The following IKZF2 variants were observed in gnomAD, a reference collection of about 807,000 sequenced individuals.
The protein encoded by IKZF2 is IKAROS family zinc finger 2.
In IKZF2, 15 loss-of-function variants were observed where a neutral mutation model predicts 49.2. The observed-to-expected ratio is 0.30, with a 90% CI of 0.20 to 0.47. The LOEUF (loss-of-function observed/expected upper bound fraction) is 0.47, where lower values mean the gene tolerates loss of function less well. Among genes scored for constraint, IKZF2 ranks in the 20% least tolerant of loss-of-function variants. IKZF2 has a pLI of 1.00. For missense variants in IKZF2, 567 were observed against 664.6 expected, an observed-to-expected ratio of 0.85 and a Z score of 1.61; for synonymous variants, 227 against 221.4, an observed-to-expected ratio of 1.03 and a Z score of -0.23.
chr2:213,033,120 C>A (rs1410554335), intron 6 of IKZF2, among the ~76,000 whole-genome samples: 1 of 152,216 alleles, frequency 6.6e-6, no homozygotes, highest in East Asian at 1.9e-4. Context: ...AAACCACTTT[C>A]TTTGCCCATT....
rs191781490 is a variant in IKZF2 at position 213,036,093 on chromosome 2, A to G, written c.574+13620T>C. Among the ~76,000 whole-genome samples, 36 of 152,294 alleles carry G rather than the reference A, an allele frequency of 2.4e-4. No individual in the cohort carries two copies. In the East Asian group the frequency reaches 4.4e-3, roughly 19 times the overall value. On this transcript the variant is annotated intron_variant, in intron 6 of 8. Transcript: ENST00000434687. Reference sequence around the variant, plus strand: ...TAGATTTATTTTGTTCTAAGCTGCTATATGTCTTCAAGCCTCATGATAGAT... The same window carrying G: ...TAGATTTATTTTGTTCTAAGCTGCTGTATGTCTTCAAGCCTCATGATAGAT...
Position 213,056,881 on chromosome 2 carries a change from C to A in IKZF2, c.358G>T (p.Val120Phe). The A allele has an allele frequency of 1.2e-6, 2 of 1,613,870 alleles. No individual in the cohort carries two copies. Among genetic ancestry groups the A allele is most frequent in the South Asian group, 1.1e-5 (1 of 91,076 alleles). Residue 120 changes from valine to phenylalanine, a missense_variant, in exon 5 of 9, where the codon GTT (valine) becomes TTT (phenylalanine). Physicochemically the swap from Val to Phe is conservative, Grantham distance 50. Transcript: ENST00000434687. ...ATAAGCACATTGGGCCCAATGCAAA[C>A]CATGCCACAGACGTCACATTTCAGT... Reference protein sequence around the residue: ...GKLKCDVCGMVCIGPNVLMVH... With the variant: ...GKLKCDVCGMFCIGPNVLMVH...
intron 5 of IKZF2, among the ~76,000 whole-genome samples, chr2:213,053,673 T>C (rs1188705585): frequency 6.6e-6 from 1 of 152,188 alleles, no homozygotes. Context: ...ATTCTATATG[T>C]ATAATGTCCA....
intron 4 of IKZF2, among the ~76,000 whole-genome samples, chr2:213,110,798 A>G (rs2059681049): frequency 6.6e-6 from 1 of 152,040 alleles, no homozygotes; most frequent in South Asian, 2.1e-4. Context: ...CCAACACAGC[A>G]TGACACAAAA....
intron 4 of IKZF2, among the ~76,000 whole-genome samples, chr2:213,062,205 G>C (rs1015424545): frequency 2.0e-5 from 3 of 151,474 alleles, no homozygotes; most frequent in African/African-American, 7.3e-5. Flanking sequence ...ACCATACATA[G>C]TAATGAGAAC....
Position 213,049,928 on chromosome 2 carries a change from GTGAC to G in IKZF2, c.407-52_407-49del, listed in dbSNP as rs910275196. 3.7e-6 allele frequency: 5 copies of G among 1,336,676 alleles called. No homozygotes were observed. The African/African-American group carries it at 4.4e-5, about 12-fold the overall frequency. 82.8% of individuals were successfully genotyped at this position (1,336,676 alleles called of 1,614,324 possible). On this transcript the variant is annotated intron_variant, in intron 5 of 8. Coordinates refer to ENST00000434687, the MANE Select transcript of IKZF2 (RefSeq NM_001387220.1). ...GAAGTATCAACTAGGGTATGTGCAA[GTGAC>G]TAATTTGCCATCCACTGTTAACCAA...
At chr2:213,057,629 T>C (rs138079942) in intron 4 of IKZF2, among the ~76,000 whole-genome samples, 255 of 152,294 alleles carry the variant, frequency 1.7e-3, no homozygotes, top group Non-Finnish European at 2.9e-3. Context: ...CATATGAAGA[T>C]ACACTGTCAA....
chr2:213,144,258 A>G (rs1314578514), intron 4 of IKZF2, among the ~76,000 whole-genome samples: 1 of 151,942 alleles, frequency 6.6e-6, no homozygotes, highest in Non-Finnish European at 1.5e-5. Context: ...TGTACAGTTG[A>G]TCCACTTAAC....
intron 4 of IKZF2, among the ~76,000 whole-genome samples, chr2:213,103,334 C>T (rs568421057): frequency 6.6e-6 from 1 of 152,068 alleles, no homozygotes; most frequent in Admixed American, 6.6e-5. Context: ...GTCTTCAAAG[C>T]TTGGACAGAT....
At chr2:213,037,222 T>C (rs1428017291) in intron 6 of IKZF2, among the ~76,000 whole-genome samples, 3 of 152,310 alleles carry the variant, frequency 2.0e-5, no homozygotes, top group South Asian at 2.1e-4. Context: ...TCCATTTCTT[T>C]AGAACTCCTG....
chr2:213,142,302 C>A (rs116180763), intron 4 of IKZF2, among the ~76,000 whole-genome samples: 1 of 151,744 alleles, frequency 6.6e-6, no homozygotes, highest in African/African-American at 2.4e-5. Flanking sequence ...CTTTAAATAA[C>A]GGAGGGTTCC....
At chr2:213,035,642 G>T (rs1197081348) in intron 6 of IKZF2, among the ~76,000 whole-genome samples, 2 of 152,128 alleles carry the variant, frequency 1.3e-5, no homozygotes, top group Non-Finnish European at 2.9e-5. Flanking sequence ...TCATCCATTA[G>T]TTCAAAAACA....
Position 213,081,291 on chromosome 2 carries a change from G to A in IKZF2, c.140-24192C>T, listed in dbSNP as rs548393641. ...AAGAAAAAAAAAAAAGAATAGGTAT[G>A]TAAGTATGTCATTAGTAGATTCAAT... On this transcript the variant is annotated intron_variant, in intron 4 of 8. Coordinates refer to ENST00000434687, the MANE Select transcript of IKZF2 (RefSeq NM_001387220.1). 2.7e-4 allele frequency: 42 copies of A among 154,654 alleles called. No individual in the cohort carries two copies. The South Asian group carries it at 5.9e-3, about 22-fold the overall frequency. The allele number at this position is 154,654 out of a possible 1,614,324, so 9.6% of individuals were successfully genotyped here. A position where few individuals can be genotyped will look rare whatever the true frequency, so the allele number is the denominator to read the frequency against.
At chr2:213,109,508 T>C (rs1169815581) in intron 4 of IKZF2, among the ~76,000 whole-genome samples, 1 of 151,788 alleles carries the variant, frequency 6.6e-6, no homozygotes, top group Non-Finnish European at 1.5e-5. Flanking sequence ...TTTTAACAGA[T>C]TAAGAAATTA....
chr2:213,009,814 C>T (rs1305856118), intron 8 of IKZF2, among the ~76,000 whole-genome samples: 2 of 151,696 alleles, frequency 1.3e-5, no homozygotes, highest in East Asian at 3.9e-4. Flanking sequence ...GAATCAAGGA[C>T]AATAATGTGA....
intron 4 of IKZF2, among the ~76,000 whole-genome samples, chr2:213,141,737 T>G (rs2060881460): frequency 6.6e-6 from 1 of 151,974 alleles, no homozygotes; most frequent in African/African-American, 2.4e-5. Context: ...CCCTATTTAA[T>G]GTCTGTCTGT....
intron 8 of IKZF2, among the ~76,000 whole-genome samples, chr2:213,013,495 T>C (rs747732272): frequency 3.3e-5 from 5 of 151,956 alleles, no homozygotes; most frequent in Non-Finnish European, 7.4e-5. Context: ...TTCTCTTCTG[T>C]ATGACTATTT....
At chr2:213,031,142 C>T (rs955018390) in intron 6 of IKZF2, among the ~76,000 whole-genome samples, 2 of 152,168 alleles carry the variant, frequency 1.3e-5, no homozygotes, top group African/African-American at 2.4e-5. Context: ...ATACTGTTTA[C>T]TCTTCTTTAA....
At chr2:213,023,349 T>C (rs371202183) in intron 6 of IKZF2, among the ~76,000 whole-genome samples, 3 of 152,206 alleles carry the variant, frequency 2.0e-5, no homozygotes, top group African/African-American at 7.2e-5. Flanking sequence ...CACCAAACCT[T>C]TAGATTGTAA....
Sources: allele counts gnomAD v4.1 joint callset (sites outside exome capture counted in the v4.1 genomes callset), GRCh38; gene constraint gnomAD v4.1.1; transcripts MANE v1.5; gene names NCBI Gene and HGNC (gene_info 2026-07-23, HGNC 2026-07-21).